Variants in PPP1R9A observed in about 807,000 individuals in gnomAD.
PPP1R9A encodes the protein protein phosphatase 1 regulatory subunit 9A.
Under a neutral mutation model 141.9 loss-of-function variants are expected in PPP1R9A, and 59 were observed. The observed-to-expected ratio is 0.42, with a 90% CI of 0.34 to 0.52. The LOEUF (loss-of-function observed/expected upper bound fraction) is 0.52. Among genes scored for constraint, PPP1R9A ranks in the 20% least tolerant of loss-of-function variants. The pLI is 0.10. For missense variants in PPP1R9A, 1,444 were observed against 1,611.9 expected, an observed-to-expected ratio of 0.90 and a Z score of 1.78; for synonymous variants, 500 against 569.7, an observed-to-expected ratio of 0.88 and a Z score of 1.74.
chr7:95,128,162 G>A (rs531946750), intron 4 of PPP1R9A, among the ~76,000 whole-genome samples: 29 of 152,184 alleles, frequency 1.9e-4, no homozygotes, highest in Admixed American at 5.2e-4. Context: ...TTTCTCCACA[G>A]CCTCACCAGC....
At chr7:95,037,860 T>C (rs895993712) in intron 2 of PPP1R9A, among the ~76,000 whole-genome samples, 7 of 152,004 alleles carry the variant, frequency 4.6e-5, no homozygotes, top group Admixed American at 3.3e-4. Flanking sequence ...ATCCCAACAC[T>C]TTGGGAGGCC....
chr7:95,117,013 G>A (rs1488776100), intron 3 of PPP1R9A, among the ~76,000 whole-genome samples: 1 of 152,008 alleles, frequency 6.6e-6, no homozygotes, highest in Non-Finnish European at 1.5e-5. Context: ...AACTCTACAT[G>A]GGTTAAATAA....
intron 2 of PPP1R9A, among the ~76,000 whole-genome samples, chr7:94,973,704 AT>A (rs1014790463): frequency 1.2e-4 from 18 of 148,530 alleles, no homozygotes; most frequent in African/African-American, 3.7e-4. Flanking sequence ...TAGAAATTTT[AT>A]TTTTTTTCTT....
chr7:94,952,037 CGTG>C (rs911693910), intron 2 of PPP1R9A, among the ~76,000 whole-genome samples: 3 of 151,812 alleles, frequency 2.0e-5, no homozygotes, highest in Admixed American at 6.6e-5. Context: ...ATACATGTGC[CGTG>C]GTGGTTTGCT....
chr7:95,158,499 A>G (rs1410185516), intron 4 of PPP1R9A, among the ~76,000 whole-genome samples: 1 of 152,092 alleles, frequency 6.6e-6, no homozygotes, highest in Non-Finnish European at 1.5e-5. Context: ...CCACCTCCCC[A>G]AAAAAGGAAG....
chr7:95,070,287 TTC>T (rs1172752121), intron 2 of PPP1R9A, among the ~76,000 whole-genome samples: 1 of 151,958 alleles, frequency 6.6e-6, no homozygotes, highest in East Asian at 1.9e-4. Flanking sequence ...ATGGAAAAAT[TTC>T]TGTGTTAATT....
At chr7:95,127,349 T>G (rs1477915595) in intron 4 of PPP1R9A, among the ~76,000 whole-genome samples, 1 of 152,158 alleles carries the variant, frequency 6.6e-6, no homozygotes, top group Non-Finnish European at 1.5e-5. Flanking sequence ...CAGGAAGAAC[T>G]ATGTAGAATC....
intron 2 of PPP1R9A, among the ~76,000 whole-genome samples, chr7:94,941,835 G>GA (rs961875971): frequency 2.8e-4 from 42 of 149,956 alleles, no homozygotes; most frequent in African/African-American, 5.4e-4. Flanking sequence ...ACAAGAGAAT[G>GA]AAAAAAAAAT....
chr7:95,269,337 C>T lies in PPP1R9A; in HGVS notation c.2954C>T (p.Ser985Leu), dbSNP rs76370051. The change falls in exon 14 of 20, where the codon TCG becomes TTG. Residue 985 changes from serine to leucine, a missense_variant. Transcript: ENST00000433360. ...CCGGTGGATAGCAATGTGCCCTTCTCGTCTGACCACATAGCTGAATTTCAA... is the reference window on the plus strand; with the variant it reads ...CCGGTGGATAGCAATGTGCCCTTCTTGTCTGACCACATAGCTGAATTTCAA... ...LTPVDSNVPF[S>L]SDHIAEFQEE... 1.9e-6 allele frequency: 3 copies of T among 1,598,642 alleles called. No homozygotes were observed. Among genetic ancestry groups the T allele is most frequent in the Admixed American group, 1.7e-5 (1 of 59,834 alleles).
At chr7:95,271,044 AAGGGTAGGTAAGG>A (rs1380244857) in intron 14 of PPP1R9A, among the ~76,000 whole-genome samples, 10 of 152,152 alleles carry the variant, frequency 6.6e-5, no homozygotes, top group South Asian at 2.1e-4. Flanking sequence ...AAGGGAAAAA[AAGGGTAGGTAAGG>A]AGGGAATAGC....
intron 5 of PPP1R9A, among the ~76,000 whole-genome samples, chr7:95,175,256 TTGGATGGATGGA>T (rs61519780): frequency 2.7e-5 from 4 of 146,604 alleles, no homozygotes; most frequent in Non-Finnish European, 4.5e-5. Context: ...CAATAACTAG[TTGGATGGATGGA>T]TGGATGGATG....
At chr7:95,268,738 A>G in intron 13 of PPP1R9A, 31 bp downstream of exon 13, 2 of 1,605,308 alleles carry the variant, frequency 1.2e-6, no homozygotes, top group Non-Finnish European at 1.7e-6. Context: ...CCTGATTTGT[A>G]CTGTTGGAGT....
At chr7:95,161,451 T>G (rs1830453358) in intron 4 of PPP1R9A, among the ~76,000 whole-genome samples, 1 of 152,188 alleles carries the variant, frequency 6.6e-6, no homozygotes, top group Admixed American at 6.5e-5. Context: ...TGATTCTTTG[T>G]AAGACCTCAG....
At chr7:95,264,348 C>T (rs1272851558) in intron 12 of PPP1R9A, among the ~76,000 whole-genome samples, 3 of 152,088 alleles carry the variant, frequency 2.0e-5, no homozygotes, top group African/African-American at 7.2e-5. Flanking sequence ...CGGAGCAGAC[C>T]CCATTGTTAT....
chr7:95,204,607 CCACA>C (rs903423879), intron 7 of PPP1R9A, among the ~76,000 whole-genome samples: 66 of 150,258 alleles, frequency 4.4e-4, no homozygotes, highest in Middle Eastern at 3.5e-3. Flanking sequence ...CACACACACA[CCACA>C]CACACACCAC....
intron 5 of PPP1R9A, among the ~76,000 whole-genome samples, chr7:95,163,416 T>C (rs1830715816): frequency 6.6e-6 from 1 of 152,220 alleles, no homozygotes; most frequent in Non-Finnish European, 1.5e-5. Flanking sequence ...AGGGCTATCA[T>C]GGAAAAAGAA....
intron 2 of PPP1R9A, among the ~76,000 whole-genome samples, chr7:95,105,084 T>A (rs1819322992): frequency 6.6e-6 from 1 of 152,166 alleles, no homozygotes; most frequent in South Asian, 2.1e-4. Flanking sequence ...ACTGAGACCG[T>A]GTGGAAGCAT....
intron 2 of PPP1R9A, among the ~76,000 whole-genome samples, chr7:95,067,730 G>T (rs546519724): frequency 1.2e-3 from 183 of 152,064 alleles, no homozygotes; most frequent in Middle Eastern, 3.4e-3. Flanking sequence ...TAAGTGCTGA[G>T]GTTTGAGAGA....
rs1351739339 is a variant in PPP1R9A, at chr7:94,910,179, A to G, written c.66A>G (p.Ala22=). Reference sequence around the variant, plus strand: ...GAAGTGCCTCTCCTCACAGGAATGCATATCGAACTGAGTTTCAGGCACTGA... The same window carrying G: ...GAAGTGCCTCTCCTCACAGGAATGCGTATCGAACTGAGTTTCAGGCACTGA... ...TLRSASPHRN[A]YRTEFQALKS... The change falls in exon 2 of 20, where the codon GCA becomes GCG. Residue 22 remains alanine (A), a synonymous_variant. Transcript: ENST00000433360. This position sits in a 1 kb window ranked among gnomAD's most constrained non-coding sequence, Gnocchi z 4.5. 1.2e-6 allele frequency: 2 copies of G among 1,614,030 alleles called. No individual in the cohort carries two copies. Among genetic ancestry groups the G allele is most frequent in the Non-Finnish European group, 1.7e-6 (2 of 1,180,014 alleles).
Sources: gnomAD v4.1 joint callset for allele counts (sites outside exome capture counted in the v4.1 genomes callset) on GRCh38, gnomAD v4.1.1 for gene constraint, Gnocchi (gnomAD v3.1) non-coding constraint, MANE v1.5 for transcripts, NCBI Gene and HGNC (gene_info 2026-07-23, HGNC 2026-07-21) for gene names.